NRAP: variants seen among roughly 807,000 people sequenced by gnomAD.
NRAP encodes the protein nebulin-related-anchoring protein.
NRAP carries 189 observed loss-of-function variants against 225.9 expected under a neutral mutation model. The ratio of observed to expected loss-of-function variants is 0.84; its 90% confidence interval spans 0.74 to 0.94. The LOEUF is 0.94. NRAP is among the 40% of genes least tolerant of loss of function. The pLI is 0.00. For missense variants in NRAP, 2,176 were observed against 2,168.7 expected, an observed-to-expected ratio of 1.00 and a Z score of -0.07; for synonymous variants, 769 against 790.7, an observed-to-expected ratio of 0.97 and a Z score of 0.46.
intron 34 of NRAP, 88 bp from the exon 35 acceptor site, chr10:113,605,008 G>T: frequency 2.1e-6 from 3 of 1,454,490 alleles, no homozygotes. Flanking sequence ...ACTAGGAGGT[G>T]ATGATTATAA....
At chr10:113,639,153 AT>A (rs1305621084) in intron 14 of NRAP, among the ~76,000 whole-genome samples, 4 of 104,234 alleles carry the variant, frequency 3.8e-5, no homozygotes, top group Admixed American at 1.1e-4. Flanking sequence ...ACTTTGTGAA[AT>A]GAGTAAGTCA....
chr10:113,646,028 G>A (rs1439861026), intron 10 of NRAP, 87 bp from the exon 11 acceptor site: 8 of 684,304 alleles, frequency 1.2e-5, no homozygotes, highest in Non-Finnish European at 1.5e-5. Flanking sequence ...TGGGCTTAAT[G>A]TCAACATTTA....
chr10:113,592,497 C>T (rs1297827079), intron 38 of NRAP, among the ~76,000 whole-genome samples, 196 bp from the exon 39 acceptor site: 1 of 151,494 alleles, frequency 6.6e-6, no homozygotes, highest in Non-Finnish European at 1.5e-5. Context: ...GCTCTAAGCC[C>T]CCAACCCGCC....
chr10:113,641,268 A>G (rs965506955), intron 13 of NRAP, 97 bp downstream of exon 13: 4 of 645,180 alleles, frequency 6.2e-6, no homozygotes, highest in Non-Finnish European at 1.0e-5. Context: ...AAAATAGAAG[A>G]CAGATTTTTT....
chr10:113,629,021 G>A lies in NRAP; in HGVS notation c.2041C>T (p.Leu681=), dbSNP rs12412373. 1 of 1,610,372 alleles carries A rather than the reference G, an allele frequency of 6.2e-7. No individual in the cohort carries two copies. The highest frequency in any genetic ancestry group is 1.7e-5 in the Admixed American group (1 of 60,010). ...CATGCCAGGTCAGCCTTGTACTGCA[G>A]CTACAAAAGAAAAACCACAAAGCTC... ...AKKAYGLQSE[L]QYKADLAWMK... The change falls in exon 20 of 42, where the codon CTG becomes TTG. Residue 681 remains leucine (L), a splice_region_variant and synonymous_variant. Transcript: ENST00000359988.
Position 113,634,162 on chromosome 10 carries a change from C to T in NRAP, c.1477G>A (p.Asp493Asn). ...TTGGCTTGAACAATCTGTGGGGTGTCAGTCACCGAGCTGTACTTCAACTTG... is the reference window on the plus strand; with the variant it reads ...TTGGCTTGAACAATCTGTGGGGTGTTAGTCACCGAGCTGTACTTCAACTTG... ...IDKLKYSSVT[D>N]TPQIVQAKIN... Residue 493 changes from aspartate to asparagine, a missense_variant, in exon 15 of 42, where the codon GAC becomes AAC. Asp to Asn is a conservative substitution (Grantham distance 23). This residue lies in a region of NRAP where 1,708 missense variants were observed against 1,695.5 expected (regional missense o/e 1.01). Transcript: ENST00000359988. 6.2e-7 allele frequency: 1 copy of T among 1,613,958 alleles called. No homozygotes were observed.
chr10:113,639,849 T>C (rs1849095794), intron 14 of NRAP, among the ~76,000 whole-genome samples: 4 of 152,224 alleles, frequency 2.6e-5, no homozygotes. Context: ...TTTATTTTAC[T>C]TCCTTCAACT....
At chr10:113,640,944 G>T (rs1849166759) in intron 13 of NRAP, among the ~76,000 whole-genome samples, 1 of 152,044 alleles carries the variant, frequency 6.6e-6, no homozygotes. Context: ...GGTTTTCAAT[G>T]AATACAATGA....
chr10:113,624,721 C>A (rs1372202073), intron 22 of NRAP, 105 bp downstream of exon 22: 6 of 773,648 alleles, frequency 7.8e-6, no homozygotes, highest in South Asian at 3.2e-5. Context: ...ATGTATGTAA[C>A]CTCAGTTGAT....
chr10:113,589,547 T>G (rs1564687163), intron 41 of NRAP, 119 bp downstream of exon 41: 1 of 1,262,932 alleles, frequency 7.9e-7, no homozygotes. Context: ...TGAGCTGCGT[T>G]TCACACTTCT....
intron 13 of NRAP, among the ~76,000 whole-genome samples, chr10:113,640,736 G>A (rs183349754): frequency 2.0e-3 from 297 of 152,192 alleles, no homozygotes; most frequent in African/African-American, 5.4e-3. Flanking sequence ...GAGAAAATCC[G>A]ACATTTGTAT....
chr10:113,646,163 T>G (rs1849493946), intron 10 of NRAP, among the ~76,000 whole-genome samples: 1 of 152,184 alleles, frequency 6.6e-6, no homozygotes, highest in African/African-American at 2.4e-5. Flanking sequence ...TTTTATACTT[T>G]ATACTCTAAT....
intron 24 of NRAP, 123 bp from the exon 25 acceptor site, chr10:113,620,831 G>A: frequency 1.4e-6 from 1 of 699,250 alleles, no homozygotes; most frequent in Non-Finnish European, 2.5e-6. Context: ...TGCCACTTTT[G>A]TCTTATGCAT....
intron 6 of NRAP, among the ~76,000 whole-genome samples, chr10:113,652,337 TC>T (rs1025117581): frequency 2.0e-5 from 3 of 152,140 alleles, no homozygotes; most frequent in Admixed American, 1.3e-4. Flanking sequence ...GAACCTGACA[TC>T]CAGTTAAAAA....
intron 30 of NRAP, among the ~76,000 whole-genome samples, chr10:113,611,271 T>A (rs985791601): frequency 6.6e-6 from 1 of 151,552 alleles, no homozygotes; most frequent in Non-Finnish European, 1.5e-5. Context: ...ACAGTTTATG[T>A]CATTCAGTAA....
Position 113,612,443 on chromosome 10 carries a change from G to T in NRAP, c.3301-12C>A. ...TTCTTGTAATTCACCTAGAGGGGCA[G>T]ACAGAGCAACAGCAGCTATTTCAAA... On this transcript the variant is annotated splice_polypyrimidine_tract_variant and intron_variant, in intron 29 of 41. Transcript: ENST00000359988. 3 of 1,611,168 alleles carry T rather than the reference G, an allele frequency of 1.9e-6. No individual in the cohort carries two copies.
At chr10:113,660,100 T>C (rs552150280) in intron 3 of NRAP, among the ~76,000 whole-genome samples, 2,132 of 150,100 alleles carry the variant, frequency 0.014, 54 homozygotes, top group African/African-American at 0.048. Context: ...TATACACATA[T>C]ATACATACAT....
intron 14 of NRAP, among the ~76,000 whole-genome samples, chr10:113,637,876 C>T (rs1289837205): frequency 1.3e-5 from 2 of 150,942 alleles, no homozygotes; most frequent in Admixed American, 1.3e-4. Context: ...GAGCCGAGAT[C>T]GCACCATTAC....
chr10:113,646,933 A>G lies in NRAP; in HGVS notation c.983T>C (p.Leu328Pro). 1 of 1,612,312 alleles carries G rather than the reference A, an allele frequency of 6.2e-7. No individual in the cohort carries two copies. Among genetic ancestry groups the G allele is most frequent in the Non-Finnish European group, 8.5e-7 (1 of 1,178,326 alleles). Residue 328 changes from leucine (L) to proline (P), a missense_variant, in exon 10 of 42, where the codon CTC becomes CCC. By Grantham distance (98) the Leu-to-Pro change is moderately conservative (BLOSUM62 -3). This residue lies in a region of NRAP where 1,708 missense variants were observed against 1,695.5 expected (regional missense o/e 1.01). Coordinates refer to ENST00000359988, the MANE Select transcript of NRAP (RefSeq NM_198060.4). Reference protein sequence around the residue: ...AYQNAKKAHELASDIKYRQDF... With the variant: ...AYQNAKKAHEPASDIKYRQDF... ...CTACATGGTACTTACGTCACTAGCG[A>G]GTTCGTGAGCTTTCTTGGCGTTCTG... is the stretch of plus-strand genomic sequence containing the variant.
Sources: gnomAD v4.1 joint callset for allele counts (sites outside exome capture counted in the v4.1 genomes callset) on GRCh38, gnomAD v4.1.1 for gene constraint, gnomAD v4.1.1 regional missense constraint, MANE v1.5 for transcripts, NCBI Gene and HGNC (gene_info 2026-07-23, HGNC 2026-07-21) for gene names.